The following DOCK6 variants were observed in gnomAD, a reference collection of about 807,000 sequenced individuals.
The protein encoded by DOCK6 is dedicator of cytokinesis protein 6.
In DOCK6, 167 loss-of-function variants were observed where a neutral mutation model predicts 230.3. The ratio of observed to expected loss-of-function variants is 0.73; its 90% CI spans 0.64 to 0.82. The LOEUF (loss-of-function observed/expected upper bound fraction) is 0.82, where lower values mean the gene tolerates loss of function less well. Among genes scored for constraint, DOCK6 ranks in the 40% least tolerant of loss-of-function variants. The pLI is 0.00. For missense variants in DOCK6, 2,598 were observed against 2,825.8 expected (o/e 0.92, Z 1.83); for synonymous variants, 1,148 against 1,185.0 (o/e 0.97, Z 0.64).
At chr19:11,207,688 G>A (rs921839661) in intron 39 of DOCK6, among the ~76,000 whole-genome samples, 10 of 151,876 alleles carry the variant, frequency 6.6e-5, no homozygotes, top group South Asian at 6.2e-4. Flanking sequence ...ATGACTTTGG[G>A]AGTTTGAAGC....
At position 11,252,177 on chromosome 19, in the gene DOCK6, G is replaced by A. The variant is rs781180338; in HGVS notation, c.449C>T (p.Pro150Leu). The change falls in exon 5 of 48, where the codon CCC (proline) becomes CTC (leucine). Residue 150 changes from proline (P) to leucine (L), a missense_variant. Coordinates refer to ENST00000294618, the MANE Select transcript of DOCK6 (RefSeq NM_020812.4). The part of the protein sequence containing the change: ...DTQRERQKGL[P>L]RQVFEQDASG... The stretch of plus-strand genomic sequence containing the variant: ...AGCATCCTGCTCAAAGACCTGGCGG[G>A]GGAGGCCCTTCTGTCGCTCCCGCTG... 18 of 1,584,666 alleles carry A rather than the reference G, an allele frequency of 1.1e-5. No individual in the cohort carries two copies. The Admixed American group carries it at 3.1e-4, about 27-fold the overall frequency.
chr19:11,204,047 AGAGG>A, intron 41 of DOCK6, 30 bp downstream of exon 41: 1 of 1,549,214 alleles, frequency 6.5e-7, no homozygotes, highest in Non-Finnish European at 8.7e-7. Flanking sequence ...CGGGGGTCCC[AGAGG>A]CAGGTGGCTG....
rs773982460 is a variant in DOCK6 at position 11,236,452 on chromosome 19, TG to T, written c.2285del (p.Ala762GlufsTer37). The T allele has an allele frequency of 6.9e-6, 11 of 1,593,030 alleles. No homozygotes were observed. The highest frequency in any genetic ancestry group is 9.4e-6 in the Non-Finnish European group (11 of 1,170,680). ...GTTCGGGGCTGGCCAGGCGCAGTGC[TG>T]CAAGACTGGCCCGCAGCTCCTGCTC... ...NVEQELRASL[A>X]ALRLASPEPL... On this transcript the variant is annotated frameshift_variant, in exon 20 of 48. Transcript: ENST00000294618. LOFTEE classifies it high-confidence loss of function. This position sits in a 1 kb window ranked among gnomAD's most constrained non-coding sequence, Gnocchi z 5.2.
chr19:11,227,427 G>A lies in DOCK6; in HGVS notation c.2865C>T (p.Pro955=), dbSNP rs201348720. 1 of 1,612,434 alleles carries A rather than the reference G, an allele frequency of 6.2e-7. No homozygotes were observed. Among genetic ancestry groups the A allele is most frequent in the Admixed American group, 1.7e-5 (1 of 59,708 alleles). The stretch of plus-strand genomic sequence containing the variant: ...AGCGTCCGGGGAAGCGCAGCTTGCG[G>A]GGTGTGTCTAGTCGCTGGCCAAGCA... ...HLLLGQRLDT[P]RKLRFPGRFL... Residue 955 remains proline, a synonymous_variant, in exon 24 of 48, where the codon CCC becomes CCT. Transcript: ENST00000294618.
chr19:11,217,479 A>C, intron 28 of DOCK6, 88 bp from the exon 29 acceptor site: 1 of 1,511,954 alleles, frequency 6.6e-7, no homozygotes, highest in Non-Finnish European at 8.9e-7. Flanking sequence ...CCTCATGGCC[A>C]GGCACAGTGG....
rs1472255296 is a variant in DOCK6 at position 11,237,552 on chromosome 19, G to C, written c.1977C>G (p.Ile659Met). The C allele has an allele frequency of 6.3e-7, 1 of 1,583,406 alleles. No homozygotes were observed. The highest frequency in any genetic ancestry group is 8.6e-7 in the Non-Finnish European group (1 of 1,162,752). Residue 659 changes from isoleucine to methionine, a missense_variant, in exon 18 of 48, where the codon ATC (isoleucine) becomes ATG (methionine). Physicochemically the swap from Ile to Met is conservative, Grantham distance 10 (BLOSUM62 1). Transcript: ENST00000294618. The part of the protein sequence containing the change: ...ALETPVGFTW[I>M]PLLQHGRLRT... The stretch of plus-strand genomic sequence containing the variant: ...TCAGGCGCCCGTGCTGCAGCAGTGG[G>C]ATCCACTGGGGAGAGGCTGGAGGTC...
chr19:11,208,500 C>T lies in DOCK6; in HGVS notation c.5088+186G>A, dbSNP rs1177768228. On this transcript the variant is annotated intron_variant, in intron 39 of 47. Coordinates refer to ENST00000294618, the MANE Select transcript of DOCK6 (RefSeq NM_020812.4). ...TTCACCATGCTGGCCAGGCTGGTCT[C>T]GAACTCCTGGCCTCATGACCTGCCT... 5 of 733,412 alleles carry T rather than the reference C, an allele frequency of 6.8e-6. No individual in the cohort carries two copies. In the East Asian group the frequency reaches 8.5e-5, roughly 12 times the overall value. 45.4% of individuals were successfully genotyped at this position (733,412 alleles called of 1,614,324 possible). A position where few individuals can be genotyped will look rare whatever the true frequency, so the allele number is the denominator to read the frequency against.
intron 1 of DOCK6, among the ~76,000 whole-genome samples, chr19:11,259,398 G>A (rs2080246949): frequency 6.6e-6 from 1 of 151,806 alleles, no homozygotes; most frequent in African/African-American, 2.4e-5. Flanking sequence ...AACAATATAT[G>A]TATGTGCTTG....
At chr19:11,246,553 C>T (rs534927562) in intron 7 of DOCK6, among the ~76,000 whole-genome samples, 2 of 152,224 alleles carry the variant, frequency 1.3e-5, no homozygotes, top group African/African-American at 4.8e-5. Flanking sequence ...CGTGAGCCAC[C>T]GCGCCCCGCC....
Position 11,208,678 on chromosome 19 carries a change from G to T in DOCK6, c.5088+8C>A. On this transcript the variant is annotated splice_region_variant and intron_variant, in intron 39 of 47. Transcript: ENST00000294618. ...CCCCTCTCCTGCACCCAGTCCCCAAGGCCTCACCATGGTGAAGTAGCCGGC... is the reference window on the plus strand; with the variant it reads ...CCCCTCTCCTGCACCCAGTCCCCAATGCCTCACCATGGTGAAGTAGCCGGC... 6.2e-7 allele frequency: 1 copy of T among 1,608,164 alleles called. No homozygotes were observed. The highest frequency in any genetic ancestry group is 8.5e-7 in the Non-Finnish European group (1 of 1,175,496).
chr19:11,242,155 G>T lies in DOCK6; in HGVS notation c.1533C>A (p.Leu511=). The T allele has an allele frequency of 6.8e-7, 1 of 1,467,612 alleles. No homozygotes were observed. The highest frequency in any genetic ancestry group is 9.0e-7 in the Non-Finnish European group (1 of 1,110,716). The allele number at this position is 1,467,612 out of a possible 1,614,324, so 90.9% of individuals were successfully genotyped here. A position where few individuals can be genotyped will look rare whatever the true frequency, so the allele number is the denominator to read the frequency against. Residue 511 remains leucine (L), a synonymous_variant, in exon 14 of 48, where the codon CTC becomes CTA. Transcript: ENST00000294618. ...GCTTGATATGAAGCAGCTCAGGGGA[G>T]AGGCAGAAGTGGGGATTTTCAGGAG... The part of the protein sequence containing the change: ...SPAPENPHFC[L]SPELLHIKPY...
rs1384908045 is a variant in DOCK6 at position 11,245,895 on chromosome 19, G to C, written c.807-17C>G. 9 of 1,555,006 alleles carry C rather than the reference G, an allele frequency of 5.8e-6. No homozygotes were observed. The highest frequency in any genetic ancestry group is 1.7e-6 in the Non-Finnish European group (2 of 1,148,808). ...ATCTCGAACCTACAAGTAAATGGGA[G>C]GGAGGGGGCTCTCCTTAACACTTCC... is the stretch of plus-strand genomic sequence containing the variant. On this transcript the variant is annotated splice_polypyrimidine_tract_variant and intron_variant, in intron 7 of 47. Transcript: ENST00000294618.
chr19:11,252,952 G>C lies in DOCK6; in HGVS notation c.139C>G (p.Leu47Val). The C allele has an allele frequency of 6.2e-7, 1 of 1,604,866 alleles. No individual in the cohort carries two copies. The highest frequency in any genetic ancestry group is 8.5e-7 in the Non-Finnish European group (1 of 1,175,728). Reference sequence around the variant, plus strand: ...TCCAGGGGCTCGACAACTTCAGTCAGTGGGACCTGGATTGGAGCAAAGTGG... The same window carrying C: ...TCCAGGGGCTCGACAACTTCAGTCACTGGGACCTGGATTGGAGCAAAGTGG... ...RRCSSSLGVPLTEVVEPLDFE... is the reference protein window; with the variant it reads ...RRCSSSLGVPVTEVVEPLDFE... The change falls in exon 3 of 48, where the codon CTG becomes GTG. Residue 47 changes from leucine (L) to valine (V), a missense_variant. By Grantham distance (32) the Leu-to-Val change is conservative (BLOSUM62 1). Coordinates refer to ENST00000294618, the MANE Select transcript of DOCK6 (RefSeq NM_020812.4).
At chr19:11,238,910 A>G (rs1333598811) in intron 14 of DOCK6, 1 of 155,432 alleles carries the variant, frequency 6.4e-6, no homozygotes, top group Non-Finnish European at 1.4e-5. Flanking sequence ...CAACAATGAC[A>G]ATAATTGCAC....
chr19:11,238,615 C>T (rs1010562725), intron 14 of DOCK6: 3 of 315,170 alleles, frequency 9.5e-6, no homozygotes, highest in Non-Finnish European at 1.8e-5. Flanking sequence ...CAGAGAATAG[C>T]GAGGCACTCA....
chr19:11,228,917 A>G, intron 23 of DOCK6, 23 bp downstream of exon 23: 1 of 1,612,754 alleles, frequency 6.2e-7, no homozygotes, highest in Admixed American at 1.7e-5. Context: ...TCTTGCCACC[A>G]GGCAGGGAGG....
chr19:11,234,076 T>G (rs2079810684), intron 21 of DOCK6, among the ~76,000 whole-genome samples: 1 of 152,082 alleles, frequency 6.6e-6, no homozygotes, highest in African/African-American at 2.4e-5. Context: ...CTTGGCTCAC[T>G]GCAACCTCCA....
Position 11,217,332 on chromosome 19 carries a change from C to G in DOCK6, c.3610G>C (p.Gly1204Arg). The G allele has an allele frequency of 1.2e-6, 2 of 1,613,498 alleles. No individual in the cohort carries two copies. Among genetic ancestry groups the G allele is most frequent in the Non-Finnish European group, 1.7e-6 (2 of 1,179,756 alleles). ...SMLDSDTEGE[G>R]DIAGTINPSV... ...GGGTTGATGGTACCCGCAATGTCCC[C>G]TTCGCCTTCTGTGTCTGAGTCAAGC... The change falls in exon 29 of 48, where the codon GGG becomes CGG. Residue 1204 changes from glycine (G) to arginine (R), a missense_variant. By Grantham distance (125) the Gly-to-Arg change is moderately radical. Coordinates refer to ENST00000294618, the MANE Select transcript of DOCK6 (RefSeq NM_020812.4).
At chr19:11,260,892 A>AAAAAAAAAAAAAG (rs1423289379) in intron 1 of DOCK6, among the ~76,000 whole-genome samples, 8 of 148,494 alleles carry the variant, frequency 5.4e-5, no homozygotes, top group Admixed American at 1.3e-4. Context: ...CAAAAAAAAA[A>AAAAAAAAAAAAAG]AAAGAAAGAA....
Sources: gnomAD v4.1 joint callset for allele counts (sites outside exome capture counted in the v4.1 genomes callset) on GRCh38, gnomAD v4.1.1 for gene constraint, Gnocchi (gnomAD v3.1) non-coding constraint, MANE v1.5 for transcripts, NCBI Gene and HGNC (gene_info 2026-07-23, HGNC 2026-07-21) for gene names.